KLF7: variants seen among roughly 807,000 people sequenced by gnomAD.
KLF7 encodes the protein Krueppel-like factor 7.
A neutral mutation model predicts 27.3 loss-of-function variants in KLF7; 2 were observed. That is an observed-to-expected ratio of 0.07 (90% CI 0.03 to 0.23). KLF7 has a LOEUF of 0.23. Ranked by LOEUF, KLF7 falls within the 10% of genes least tolerant of loss-of-function variation. KLF7 has a pLI of 1.00. For synonymous variants in KLF7, 165 were observed against 162.4 expected, an observed-to-expected ratio of 1.02 and a Z score of -0.12; for missense variants, 221 against 394.1, an observed-to-expected ratio of 0.56 and a Z score of 3.72.
chr2:207,169,779 C>T (rs375978117), upstream of KLF7, among the ~76,000 whole-genome samples: 4 of 152,032 alleles, frequency 2.6e-5, no homozygotes, highest in East Asian at 1.9e-4. Context: ...TCAGTTATTT[C>T]GGTTTTACCA....
chr2:207,089,231 G>C (rs2076456454), intron 2 of KLF7, among the ~76,000 whole-genome samples: 1 of 152,226 alleles, frequency 6.6e-6, no homozygotes, highest in Non-Finnish European at 1.5e-5. Context: ...ACAAAAGTCT[G>C]AGTTAGGAAG....
At chr2:207,081,616 C>T (rs13405169) in intron 3 of KLF7, among the ~76,000 whole-genome samples, 1,982 of 152,064 alleles carry the variant, frequency 0.013, 44 homozygotes, top group African/African-American at 0.045. Context: ...GATCTCAGTG[C>T]ATGTTAACTG....
At chr2:207,133,209 T>C (rs1212176675) in intron 1 of KLF7, among the ~76,000 whole-genome samples, 1 of 152,178 alleles carries the variant, frequency 6.6e-6, no homozygotes, top group Admixed American at 6.5e-5. Flanking sequence ...AAATCCCACT[T>C]GTTACATACA....
In KLF7 at chr2:207,124,045, A is replaced by T. The variant is rs1259029699; in HGVS notation, c.462T>A (p.Thr154=). Reference sequence around the variant, plus strand: ...TCACCGTGCCATCCACGGCAGAGAGAGTTTGTGAGGTTTTGACCAGATGGC... The same window carrying T: ...TCACCGTGCCATCCACGGCAGAGAGTGTTTGTGAGGTTTTGACCAGATGGC... The part of the protein sequence containing the change: ...LSRHLVKTSQ[T]LSAVDGTVTL... Residue 154 remains threonine (T), a synonymous_variant, in exon 2 of 4, where the codon ACT becomes ACA. Transcript: ENST00000309446. The T allele has an allele frequency of 1.2e-6, 2 of 1,613,564 alleles. No homozygotes were observed. The highest frequency in any genetic ancestry group is 2.7e-5 in the African/African-American group (2 of 74,694).
chr2:207,130,330 A>T (rs2077592963), intron 1 of KLF7, among the ~76,000 whole-genome samples: 1 of 152,114 alleles, frequency 6.6e-6, no homozygotes, highest in African/African-American at 2.4e-5. Context: ...GTTGAAAGAC[A>T]CTCCTCTTCA....
chr2:207,097,190 A>G (rs2076651454), intron 2 of KLF7, among the ~76,000 whole-genome samples: 1 of 152,154 alleles, frequency 6.6e-6, no homozygotes, highest in Non-Finnish European at 1.5e-5. Flanking sequence ...CATAATAGCA[A>G]TGTGGCCTTG....
At chr2:207,114,364 CA>C (rs1302250820) in intron 2 of KLF7, among the ~76,000 whole-genome samples, 19 of 152,330 alleles carry the variant, frequency 1.2e-4, no homozygotes, top group Admixed American at 1.1e-3. Context: ...AAGGATGTTG[CA>C]TATCCCATAG....
At chr2:207,165,444 C>T in intron 1 of KLF7, 23 bp downstream of exon 1, 2 of 1,614,012 alleles carry the variant, frequency 1.2e-6, no homozygotes, top group African/African-American at 1.3e-5. Context: ...ACACGATTTA[C>T]ACAAGTAATT....
intron 2 of KLF7, among the ~76,000 whole-genome samples, chr2:207,103,368 A>G (rs2076811105): frequency 6.6e-6 from 1 of 152,200 alleles, no homozygotes; most frequent in African/African-American, 2.4e-5. Context: ...AGGAATGGAA[A>G]TCCTAGGGAT....
intron 2 of KLF7, chr2:207,110,149 A>C (rs1306647081): frequency 1.3e-5 from 2 of 154,850 alleles, no homozygotes; most frequent in Admixed American, 1.3e-4. Flanking sequence ...CAAAATGCAG[A>C]CATAAAGTAT....
At chr2:207,161,312 A>C (rs1559172232) in intron 1 of KLF7, among the ~76,000 whole-genome samples, 1 of 152,254 alleles carries the variant, frequency 6.6e-6, no homozygotes, top group African/African-American at 2.4e-5. Flanking sequence ...CAAATAAAGA[A>C]ACAGATTTAC....
intron 2 of KLF7, among the ~76,000 whole-genome samples, chr2:207,094,884 T>C (rs1252772389): frequency 6.6e-6 from 1 of 152,130 alleles, no homozygotes; most frequent in African/African-American, 2.4e-5. Flanking sequence ...AACTACTACA[T>C]AAATTAAAAT....
chr2:207,099,932 C>A (rs1256279423), intron 2 of KLF7, among the ~76,000 whole-genome samples: 2 of 152,108 alleles, frequency 1.3e-5, no homozygotes, highest in East Asian at 3.9e-4. Flanking sequence ...GAGTTTGAGA[C>A]CAGCCCAGGC....
upstream of KLF7, chr2:207,166,797 A>T: frequency 1.0e-6 from 1 of 1,000,466 alleles, no homozygotes; most frequent in South Asian, 4.7e-5. Flanking sequence ...CCCTTCCCGA[A>T]CTCCCCACGG....
chr2:207,120,817 G>A (rs370676936), intron 2 of KLF7: 2 of 152,078 alleles, frequency 1.3e-5, no homozygotes, highest in African/African-American at 4.8e-5. Flanking sequence ...CACTTAATTT[G>A]ATTCCATCCT....
intron 2 of KLF7, among the ~76,000 whole-genome samples, chr2:207,101,382 C>A (rs2076761501): frequency 1.3e-5 from 2 of 152,212 alleles, no homozygotes; most frequent in Admixed American, 1.3e-4. Flanking sequence ...ACATGTGAAA[C>A]AGAAAATCCC....
At chr2:207,105,207 C>T (rs761595104) in intron 2 of KLF7, among the ~76,000 whole-genome samples, 2 of 152,196 alleles carry the variant, frequency 1.3e-5, no homozygotes, top group Non-Finnish European at 2.9e-5. Context: ...TCATTCTTAA[C>T]CCGCACCTCA....
intron 1 of KLF7, chr2:207,134,283 TACGA>T: frequency 1.7e-6 from 1 of 599,912 alleles, no homozygotes; most frequent in Non-Finnish European, 2.8e-6. Flanking sequence ...CACAGACACA[TACGA>T]TTACTTCTTG....
intron 1 of KLF7, among the ~76,000 whole-genome samples, chr2:207,132,529 G>A (rs866570012): frequency 1.1e-4 from 17 of 152,208 alleles, no homozygotes; most frequent in South Asian, 4.1e-4. Flanking sequence ...GAGGTGGGTG[G>A]TGAGGATGTT....
Sources: allele counts gnomAD v4.1 joint callset (sites outside exome capture counted in the v4.1 genomes callset), GRCh38; gene constraint gnomAD v4.1.1; transcripts MANE v1.5; gene names NCBI Gene and HGNC (gene_info 2026-07-23, HGNC 2026-07-21).